Variants in GET4 observed in about 807,000 individuals in gnomAD.
The protein encoded by GET4 is guided entry of tail-anchored proteins factor 4, also known as Golgi to ER traffic protein 4 homolog.
A neutral mutation model predicts 40.0 loss-of-function variants in GET4; 20 were observed. The ratio of observed to expected loss-of-function variants is 0.50; its 90% CI spans 0.35 to 0.73. The LOEUF (loss-of-function observed/expected upper bound fraction) is 0.73, where lower values mean the gene tolerates loss of function less well. Ranked by LOEUF, GET4 falls within the 30% of genes least tolerant of loss-of-function variation. The probability of loss-of-function intolerance (pLI) is 0.01; values close to 1 mark genes in which losing one functional copy is unlikely to be tolerated. For missense variants in GET4, 557 were observed against 454.0 expected (o/e 1.23, Z -2.06); for synonymous variants, 280 against 194.6 (o/e 1.44, Z -3.65).
At chr7:879,398 AAAG>A (rs770517732) in intron 1 of GET4, among the ~76,000 whole-genome samples, 18 of 152,226 alleles carry the variant, frequency 1.2e-4, no homozygotes, top group Non-Finnish European at 2.4e-4. Context: ...GGAAATGAGA[AAAG>A]AGGAGTGTTT....
At chr7:893,160 G>T in intron 6 of GET4, among the ~76,000 whole-genome samples, 1 of 146,066 alleles carries the variant, frequency 6.8e-6, no homozygotes, top group African/African-American at 2.6e-5. Flanking sequence ...TTGGGTGTAG[G>T]CGTGGTGGTG....
intron 8 of GET4, among the ~76,000 whole-genome samples, 165 bp from the exon 9 acceptor site, chr7:895,167 CAG>C (rs1844449315): frequency 6.6e-6 from 1 of 151,568 alleles, no homozygotes; most frequent in Admixed American, 6.6e-5. Flanking sequence ...CCCTGGCCTC[CAG>C]AGTGTCCTGT....
chr7:878,454 A>G (rs1585486711), intron 1 of GET4: 1 of 452,248 alleles, frequency 2.2e-6, no homozygotes, highest in South Asian at 1.6e-5. Context: ...AGTATTTTCC[A>G]TGGGGTACCT....
intron 4 of GET4, among the ~76,000 whole-genome samples, chr7:888,025 C>T (rs1393809583): frequency 1.3e-5 from 2 of 152,116 alleles, no homozygotes; most frequent in Non-Finnish European, 2.9e-5. Context: ...GTGACTTGAA[C>T]GAGGTGCTAA....
intron 1 of GET4, chr7:884,517 C>A: frequency 2.4e-6 from 1 of 412,100 alleles, no homozygotes; most frequent in Non-Finnish European, 4.4e-6. Flanking sequence ...CTTTTCCCTC[C>A]TGGTGCCCTG....
chr7:894,655 G>A (rs933440491), intron 8 of GET4, among the ~76,000 whole-genome samples: 13 of 152,172 alleles, frequency 8.5e-5, no homozygotes, highest in African/African-American at 2.2e-4. Context: ...AGTCGAAACC[G>A]CAGCCTGAGC....
At chr7:879,362 G>A (rs541932617) in intron 1 of GET4, among the ~76,000 whole-genome samples, 8 of 152,356 alleles carry the variant, frequency 5.3e-5, no homozygotes, top group African/African-American at 1.7e-4. Context: ...ATGCCATTTC[G>A]TTGCTTAAAA....
Position 887,681 on chromosome 7 carries a change from G to A in GET4, c.466+162G>A, listed in dbSNP as rs532201734. ...GAGACCCATGCGCCATGCTAAGCCC[G>A]GGATCAGAGCCACTGCACCCGAGAA... On this transcript the variant is annotated intron_variant, in intron 4 of 8. Coordinates refer to ENST00000265857, the MANE Select transcript of GET4 (RefSeq NM_015949.3). 9.2e-5 allele frequency among the ~76,000 whole-genome samples: 14 copies of A among 152,326 alleles called. No homozygotes were observed. In the East Asian group the frequency reaches 9.6e-4, roughly 10 times the overall value.
At chr7:887,164 T>TCCG (rs1562895192) in intron 3 of GET4, 2 of 721,736 alleles carry the variant, frequency 2.8e-6, no homozygotes, top group East Asian at 5.7e-5. Context: ...GCGTCCGTCC[T>TCCG]TCCTTCCTCG....
intron 8 of GET4, among the ~76,000 whole-genome samples, chr7:894,835 T>A (rs1175516027): frequency 6.6e-6 from 1 of 152,160 alleles, no homozygotes; most frequent in East Asian, 1.9e-4. Context: ...ACAGAGTAGT[T>A]GTTGATTGGA....
chr7:887,757 G>A (rs1337667930), intron 4 of GET4, among the ~76,000 whole-genome samples: 3 of 152,230 alleles, frequency 2.0e-5, no homozygotes, highest in Non-Finnish European at 4.4e-5. Context: ...CCCGTGGGAC[G>A]TTCTGACCCT....
rs756289903 is a variant in GET4, at chr7:891,035, G to T, written c.574G>T (p.Val192Leu). The T allele has an allele frequency of 6.2e-7, 1 of 1,609,690 alleles. No individual in the cohort carries two copies. The highest frequency in any genetic ancestry group is 1.7e-5 in the Admixed American group (1 of 59,794). ...CACGTCCCGCGGCTTCCGCAGCGAG[G>T]TGGACATGTTCGTGGCCCAGGCCGT... ...YSTSRGFRSE[V>L]DMFVAQAVLQ... is the part of the protein sequence containing the mutation. Residue 192 changes from valine to leucine, a missense_variant, in exon 5 of 9, where the codon GTG (valine) becomes TTG (leucine). By Grantham distance (32) the Val-to-Leu change is conservative (BLOSUM62 1). Coordinates refer to ENST00000265857, the MANE Select transcript of GET4 (RefSeq NM_015949.3).
chr7:877,055 T>C, intron 1 of GET4, among the ~76,000 whole-genome samples: 1 of 149,906 alleles, frequency 6.7e-6, no homozygotes, highest in Admixed American at 6.6e-5. Context: ...GCGTTCCTCC[T>C]CGGCCTTCCC....
rs199702059 is a variant in GET4 at position 892,437 on chromosome 7, C to CAGG, written c.746+20_746+22dup. On this transcript the variant is annotated intron_variant, in intron 6 of 8. Transcript: ENST00000265857. ...TGGACGGGTGCGTCTTGGGATCCTG[C>CAGG]AGGGGGAGGGGGCTGTGAATGTGCG... 4.4e-4 allele frequency: 695 copies of CAGG among 1,582,474 alleles called. 6 individuals carry two copies. The African/African-American group carries it at 8.1e-3, about 19-fold the overall frequency.
At chr7:879,706 T>C (rs1294304381) in intron 1 of GET4, 1 of 152,240 alleles carries the variant, frequency 6.6e-6, no homozygotes, top group Admixed American at 6.5e-5. Context: ...AGCTGTTTAA[T>C]TGGTTTAGAA....
chr7:891,381 C>T (rs891424387), intron 5 of GET4, among the ~76,000 whole-genome samples: 6 of 152,222 alleles, frequency 3.9e-5, no homozygotes, highest in Non-Finnish European at 5.9e-5. Context: ...AGTTCTTTCC[C>T]GCACTATCTG....
At chr7:888,253 G>A (rs985926364) in intron 4 of GET4, among the ~76,000 whole-genome samples, 14 of 152,190 alleles carry the variant, frequency 9.2e-5, no homozygotes, top group African/African-American at 2.2e-4. Context: ...CTAGAGTTCC[G>A]GATTGCTGAG....
Position 886,306 on chromosome 7 carries a change from C to T in GET4, c.234+172C>T, listed in dbSNP as rs1181806026. On this transcript the variant is annotated intron_variant, in intron 2 of 8. Transcript: ENST00000265857. ...TCCCCCCTGGCTTGGCTGCTCCACT[C>T]TCAAGACTGGGGCTCTGCGCTGCGT... The T allele has an allele frequency of 6.5e-6, 4 of 616,486 alleles. No individual in the cohort carries two copies. The African/African-American group carries it at 7.4e-5, about 11-fold the overall frequency. The allele number at this position is 616,486 out of a possible 1,614,324, so 38.2% of individuals were successfully genotyped here.
At position 886,124 on chromosome 7, in the gene GET4, G is replaced by A. The variant is rs1407448433; in HGVS notation, c.224G>A (p.Ser75Asn). Reference protein sequence around the residue: ...LMYSGALLFFSHGQQNSAADL... With the variant: ...LMYSGALLFFNHGQQNSAADL... ...TACTCGGGAGCCCTGCTCTTCTTCAGCCATGGCCAGGTAAGCCGTCTTGCT... is the reference window on the plus strand; with the variant it reads ...TACTCGGGAGCCCTGCTCTTCTTCAACCATGGCCAGGTAAGCCGTCTTGCT... Residue 75 changes from serine (S) to asparagine (N), a missense_variant, in exon 2 of 9, where the codon AGC (serine) becomes AAC (asparagine). Physicochemically the swap from Ser to Asn is conservative, Grantham distance 46. Transcript: ENST00000265857. 6.2e-7 allele frequency: 1 copy of A among 1,604,978 alleles called. No individual in the cohort carries two copies. The highest frequency in any genetic ancestry group is 8.5e-7 in the Non-Finnish European group (1 of 1,172,584).
Sources: gnomAD v4.1 joint callset for allele counts (sites outside exome capture counted in the v4.1 genomes callset) on GRCh38, gnomAD v4.1.1 for gene constraint, MANE v1.5 for transcripts, NCBI Gene and HGNC (gene_info 2026-07-23, HGNC 2026-07-21) for gene names.